The following SYNE2 variants were observed in gnomAD, a reference collection of about 807,000 sequenced individuals.
The protein encoded by SYNE2 is nesprin-2.
Under a neutral mutation model 856.3 loss-of-function variants are expected in SYNE2, and 431 were observed. The observed-to-expected ratio is 0.50, with a 90% CI of 0.47 to 0.55. The LOEUF is 0.55. Among genes scored for constraint, SYNE2 ranks in the 20% least tolerant of loss-of-function variants. SYNE2 has a pLI of 0.00. For synonymous variants in SYNE2, 2,923 were observed against 2,872.3 expected, an observed-to-expected ratio of 1.02 and a Z score of -0.56; for missense variants, 8,129 against 8,023.2, an observed-to-expected ratio of 1.01 and a Z score of -0.50.
At chr14:64,039,193 A>G (rs2097128130) in intron 45 of SYNE2, among the ~76,000 whole-genome samples, 1 of 152,240 alleles carries the variant, frequency 6.6e-6, no homozygotes, top group African/African-American at 2.4e-5. Context: ...AAAGAAATAC[A>G]TCCTTTAGAG....
At chr14:63,805,154 A>G (rs969931608) in intron 1 of SYNE2, among the ~76,000 whole-genome samples, 2 of 152,088 alleles carry the variant, frequency 1.3e-5, no homozygotes, top group East Asian at 1.9e-4. Context: ...TTGAAGTTGG[A>G]TAGTGTGATG....
intron 55 of SYNE2, among the ~76,000 whole-genome samples, chr14:64,080,045 G>A (rs2097506537): frequency 8.1e-6 from 1 of 122,998 alleles, no homozygotes. Flanking sequence ...TTAAGAGAGC[G>A]TGTGTGTGTG....
intron 1 of SYNE2, among the ~76,000 whole-genome samples, chr14:63,871,420 C>T (rs138382474): frequency 0.041 from 6,282 of 151,940 alleles, 419 homozygotes; most frequent in African/African-American, 0.14. Context: ...GTTGGTCAGG[C>T]TGGTCTCGAA....
chr14:63,988,888 G>A (rs767479592), intron 19 of SYNE2, among the ~76,000 whole-genome samples: 2 of 152,158 alleles, frequency 1.3e-5, no homozygotes, highest in Non-Finnish European at 2.9e-5. Flanking sequence ...CTCTCACCGG[G>A]TGTCTCTCAC....
At chr14:64,097,926 A>G (rs1487195534) in intron 61 of SYNE2, 23 bp from the exon 62 acceptor site, 6 of 1,613,794 alleles carry the variant, frequency 3.7e-6, no homozygotes, top group South Asian at 1.1e-5. Flanking sequence ...TCTCAAACCT[A>G]TGCAAACACT....
At position 64,163,388 on chromosome 14, in the gene SYNE2, T is replaced by A. The variant is rs1468715363; in HGVS notation, c.16300-14T>A. ...AGGAGGAAGAGGTGTTTGCCATCCC[T>A]TTTTCTTCTGCAGGAGCTGCAGCAT... On this transcript the variant is annotated splice_polypyrimidine_tract_variant and intron_variant, in intron 88 of 115. Coordinates refer to ENST00000555002, the MANE Select transcript of SYNE2 (RefSeq NM_182914.3). 1 of 1,613,246 alleles carries A rather than the reference T, an allele frequency of 6.2e-7. No homozygotes were observed. Among genetic ancestry groups the A allele is most frequent in the Non-Finnish European group, 8.5e-7 (1 of 1,179,828 alleles).
intron 64 of SYNE2, among the ~76,000 whole-genome samples, 161 bp downstream of exon 64, chr14:64,102,203 G>A (rs768528412): frequency 3.3e-5 from 5 of 152,072 alleles, no homozygotes; most frequent in Non-Finnish European, 7.4e-5. Context: ...TGCAACCTCC[G>A]CCTCTTAGGT....
intron 1 of SYNE2, among the ~76,000 whole-genome samples, chr14:63,902,519 G>A (rs1370134802): frequency 1.3e-5 from 2 of 151,694 alleles, no homozygotes; most frequent in Admixed American, 1.3e-4. Context: ...AAGGCCAGAA[G>A]GAGTACCCAG....
chr14:64,097,905 G>A, intron 61 of SYNE2, 44 bp from the exon 62 acceptor site: 2 of 1,597,450 alleles, frequency 1.3e-6, no homozygotes, highest in Non-Finnish European at 1.7e-6. Flanking sequence ...GGCCTGCAGA[G>A]GCCTCAGACT....
rs778136963 is a variant in SYNE2, at chr14:64,098,011, G to T, written c.12171G>T (p.Leu4057Phe). The change falls in exon 62 of 116, where the codon TTG (leucine) becomes TTT (phenylalanine). Residue 4057 changes from leucine to phenylalanine, a missense_variant. By Grantham distance (22) the Leu-to-Phe change is conservative. Transcript: ENST00000555002. Reference sequence around the variant, plus strand: ...TGAACCAGAGAAAAGAAGACCTGTTGGTGGACTTGAAGGCCACCGTACTAA... The same window carrying T: ...TGAACCAGAGAAAAGAAGACCTGTTTGTGGACTTGAAGGCCACCGTACTAA... ...LSLNQRKEDL[L>F]VDLKATVLNL... is the part of the protein sequence containing the mutation. 7 of 1,614,182 alleles carry T rather than the reference G, an allele frequency of 4.3e-6. No individual in the cohort carries two copies. The Admixed American group carries it at 1.2e-4, about 27-fold the overall frequency.
At chr14:64,224,639 C>A in intron 114 of SYNE2, 92 bp downstream of exon 114, 1 of 1,418,446 alleles carries the variant, frequency 7.0e-7, no homozygotes, top group Non-Finnish European at 9.9e-7. Context: ...AGCCCATTAG[C>A]CATTTCAGGA....
intron 1 of SYNE2, among the ~76,000 whole-genome samples, chr14:63,899,075 T>C (rs1031966148): frequency 3.3e-5 from 5 of 152,254 alleles, no homozygotes; most frequent in African/African-American, 7.2e-5. Flanking sequence ...TGTCTGTCTC[T>C]ATAAAGTTTG....
rs193131713 is a variant in SYNE2 at position 63,983,789 on chromosome 14, A to G, written c.2054A>G (p.Asn685Ser). 5.0e-6 allele frequency: 8 copies of G among 1,612,864 alleles called. 1 individual carries two copies. In the East Asian group the frequency reaches 1.3e-4, roughly 27 times the overall value. ...AAACAGGATCAGCCCACTTTTGACAATTCTGGAAATATTCTATCTAAAGAA... is the reference window on the plus strand; with the variant it reads ...AAACAGGATCAGCCCACTTTTGACAGTTCTGGAAATATTCTATCTAAAGAA... ...IKKQDQPTFD[N>S]SGNILSKEEK... The change falls in exon 18 of 116, where the codon AAT (asparagine) becomes AGT (serine). Residue 685 changes from asparagine to serine, a missense_variant. Around this residue, in one of 3 missense-constraint regions of SYNE2, gnomAD observed 2,422 missense variants for 2,357.4 expected, o/e 1.03. Transcript: ENST00000555002.
At chr14:63,914,571 G>T (rs74837468) in intron 2 of SYNE2, among the ~76,000 whole-genome samples, 1 of 152,158 alleles carries the variant, frequency 6.6e-6, no homozygotes, top group East Asian at 1.9e-4. Context: ...ATATCTGGGT[G>T]TTGGGTACTG....
chr14:64,088,235 G>C (rs767157666), intron 58 of SYNE2, among the ~76,000 whole-genome samples: 1 of 152,120 alleles, frequency 6.6e-6, no homozygotes, highest in Non-Finnish European at 1.5e-5. Flanking sequence ...TCAATGTGAA[G>C]GCACATTGAT....
At chr14:64,155,287 C>CATATAT (rs35492086) in intron 85 of SYNE2, among the ~76,000 whole-genome samples, 12 of 150,976 alleles carry the variant, frequency 7.9e-5, no homozygotes, top group Non-Finnish European at 1.2e-4. Flanking sequence ...GTAGTACATA[C>CATATAT]ATATATATAT....
rs768146609 is a variant in SYNE2 at position 64,048,035 on chromosome 14, T to C, written c.7257T>C (p.Leu2419=). The change falls in exon 46 of 116, where the codon CTT becomes CTC. Residue 2419 remains leucine, a synonymous_variant. Coordinates refer to ENST00000555002, the MANE Select transcript of SYNE2 (RefSeq NM_182914.3). Reference sequence around the variant, plus strand: ...TGGAAATGGCTATGTCAAAACAACTTTCTCTTAATGCTCAAGAAAGCATGA... The same window carrying C: ...TGGAAATGGCTATGTCAAAACAACTCTCTCTTAATGCTCAAGAAAGCATGA... ...SAVEMAMSKQ[L]SLNAQESMKN... is the part of the protein sequence containing the mutation. The C allele has an allele frequency of 1.9e-6, 3 of 1,613,722 alleles. No individual in the cohort carries two copies. The East Asian group carries it at 6.7e-5, about 36-fold the overall frequency.
At chr14:64,202,990 C>A (rs757785291) in intron 100 of SYNE2, 27 bp downstream of exon 100, 2 of 1,613,304 alleles carry the variant, frequency 1.2e-6, no homozygotes, top group Non-Finnish European at 1.7e-6. Context: ...TGAGCTCTTG[C>A]AAGAGTACGG....
At chr14:64,105,469 T>C (rs1293591132) in intron 64 of SYNE2, among the ~76,000 whole-genome samples, 1 of 152,210 alleles carries the variant, frequency 6.6e-6, no homozygotes, top group Non-Finnish European at 1.5e-5. Flanking sequence ...AAATGCCTTA[T>C]ATATGTCACT....
Sources: gnomAD v4.1 joint callset for allele counts (sites outside exome capture counted in the v4.1 genomes callset) on GRCh38, gnomAD v4.1.1 for gene constraint, gnomAD v4.1.1 regional missense constraint, MANE v1.5 for transcripts, NCBI Gene and HGNC (gene_info 2026-07-23, HGNC 2026-07-21) for gene names.